Variants in TENM2 observed in about 807,000 individuals in gnomAD.
TENM2 encodes the protein teneurin transmembrane protein 2, also known as teneurin-2.
In TENM2, 52 loss-of-function variants were observed where a neutral mutation model predicts 245.2. That is an observed-to-expected ratio of 0.21 (90% confidence interval 0.17 to 0.27). The LOEUF is 0.27. Ranked by LOEUF, TENM2 falls within the 10% of genes least tolerant of loss-of-function variation. The pLI, the probability that TENM2 is intolerant of heterozygous loss-of-function variation, is 1.00. For missense variants in TENM2, 3,046 were observed against 3,666.8 expected (o/e 0.83, Z 4.37); for synonymous variants, 1,363 against 1,438.9 (o/e 0.95, Z 1.19).
intron 3 of TENM2, among the ~76,000 whole-genome samples, chr5:167,895,504 T>G (rs760569889): frequency 4.6e-5 from 7 of 152,264 alleles, no homozygotes; most frequent in African/African-American, 1.7e-4. Context: ...ATTTGAACCA[T>G]TGCTGCTTGA....
At position 168,255,630 on chromosome 5, in the gene TENM2, T is replaced by G. The variant is rs189159750; in HGVS notation, c.7433-4653T>G. ...TCATTAACAGTTCTAATCTCCCTTT[T>G]CAACAGAGAGAGCAGGTCTAAGTCT... On this transcript the variant is annotated intron_variant, in intron 27 of 28. Transcript: ENST00000518659. Among the ~76,000 whole-genome samples the G allele has an allele frequency of 1.1e-4, 16 of 151,910 alleles. No homozygotes were observed. The East Asian group carries it at 3.0e-3, about 28-fold the overall frequency.
At chr5:167,572,788 G>A (rs1774360968) in intron 2 of TENM2, among the ~76,000 whole-genome samples, 1 of 152,120 alleles carries the variant, frequency 6.6e-6, no homozygotes, top group South Asian at 2.1e-4. Flanking sequence ...TCTTTAAAAT[G>A]GTACAGGAAG....
At chr5:168,066,845 G>A (rs1790550671) in intron 7 of TENM2, among the ~76,000 whole-genome samples, 1 of 152,186 alleles carries the variant, frequency 6.6e-6, no homozygotes, top group African/African-American at 2.4e-5. Context: ...TTCTAGAAAG[G>A]TAACAGACAG....
At chr5:167,484,116 G>A (rs1186245739) in intron 2 of TENM2, among the ~76,000 whole-genome samples, 1 of 152,168 alleles carries the variant, frequency 6.6e-6, no homozygotes, top group African/African-American at 2.4e-5. Context: ...GGAAACTGAG[G>A]CAGGCAGATC....
At chr5:167,915,495 C>T (rs1776870558) in intron 3 of TENM2, among the ~76,000 whole-genome samples, 1 of 152,176 alleles carries the variant, frequency 6.6e-6, no homozygotes, top group Non-Finnish European at 1.5e-5. Context: ...CCACCAACCA[C>T]CAGCTCCCTT....
chr5:167,292,876 T>C (rs1466454836), intron 1 of TENM2, among the ~76,000 whole-genome samples: 1 of 152,118 alleles, frequency 6.6e-6, no homozygotes, highest in Non-Finnish European at 1.5e-5. Flanking sequence ...CTGCATACAT[T>C]TGAGGGATGG....
chr5:167,601,871 C>A (rs534372093), intron 2 of TENM2, among the ~76,000 whole-genome samples: 1 of 152,114 alleles, frequency 6.6e-6, no homozygotes, highest in Non-Finnish European at 1.5e-5. Flanking sequence ...CAACCAATTT[C>A]TAATTCTCAT....
At chr5:167,001,123 A>T in the TENM2 span, among the ~76,000 whole-genome samples, 1 of 152,122 alleles carries the variant, frequency 6.6e-6, no homozygotes, top group African/African-American at 2.4e-5. Context: ...AAATTCAGAA[A>T]TTACACTTTT....
intron 10 of TENM2, among the ~76,000 whole-genome samples, chr5:168,123,015 G>A (rs1453404250): frequency 6.6e-6 from 1 of 152,068 alleles, no homozygotes; most frequent in Non-Finnish European, 1.5e-5. Context: ...ATACACCAAT[G>A]GCTGGGCATG....
the TENM2 span, among the ~76,000 whole-genome samples, chr5:167,178,870 T>C: frequency 1.3e-5 from 2 of 152,220 alleles, no homozygotes; most frequent in African/African-American, 4.8e-5. Context: ...TTGCTCATGT[T>C]CTATTGAATT....
intron 1 of TENM2, among the ~76,000 whole-genome samples, chr5:167,289,911 T>G (rs1213028750): frequency 1.3e-5 from 2 of 152,170 alleles, no homozygotes; most frequent in African/African-American, 4.8e-5. Flanking sequence ...CCTCAGCACT[T>G]TAATTTACCT....
chr5:167,378,453 C>T (rs1440744416), intron 2 of TENM2, among the ~76,000 whole-genome samples: 1 of 149,048 alleles, frequency 6.7e-6, no homozygotes, highest in East Asian at 2.0e-4. Flanking sequence ...TCTGCATTAA[C>T]ATTGTGCTGG....
intron 1 of TENM2, among the ~76,000 whole-genome samples, chr5:167,293,095 G>C (rs563875950): frequency 5.3e-5 from 8 of 152,232 alleles, no homozygotes; most frequent in Non-Finnish European, 7.3e-5. Context: ...AAGATGGTCA[G>C]TTAGAGGTTG....
At chr5:167,110,208 C>T in the TENM2 span, among the ~76,000 whole-genome samples, 1 of 152,288 alleles carries the variant, frequency 6.6e-6, no homozygotes, top group South Asian at 2.1e-4. Flanking sequence ...GGTGATAAAT[C>T]TCAAACAATT....
chr5:167,855,132 A>C (rs1770946143), intron 2 of TENM2, among the ~76,000 whole-genome samples: 1 of 152,068 alleles, frequency 6.6e-6, no homozygotes, highest in Non-Finnish European at 1.5e-5. Context: ...ATTCCACTCC[A>C]GGTGCACTCA....
the TENM2 span, among the ~76,000 whole-genome samples, chr5:167,047,741 G>A: frequency 6.6e-6 from 1 of 152,122 alleles, no homozygotes; most frequent in Non-Finnish European, 1.5e-5. Flanking sequence ...TTTTCAGGCT[G>A]GTGACTGTTA....
intron 2 of TENM2, among the ~76,000 whole-genome samples, chr5:167,872,017 G>A (rs925111797): frequency 1.3e-5 from 2 of 152,014 alleles, no homozygotes; most frequent in African/African-American, 4.8e-5. Flanking sequence ...TACCAGGGCT[G>A]GCATGATGGT....
intron 1 of TENM2, among the ~76,000 whole-genome samples, chr5:167,320,102 AC>A (rs1756619045): frequency 6.6e-6 from 1 of 152,164 alleles, no homozygotes; most frequent in Non-Finnish European, 1.5e-5. Flanking sequence ...TATTAGTCCC[AC>A]TTTATGATAT....
chr5:167,929,805 A>G (rs919984153), intron 3 of TENM2, among the ~76,000 whole-genome samples: 1 of 152,216 alleles, frequency 6.6e-6, no homozygotes, highest in Non-Finnish European at 1.5e-5. Flanking sequence ...CATGAGCCAC[A>G]AGCAAAAATA....
Sources: allele counts gnomAD v4.1 joint callset (sites outside exome capture counted in the v4.1 genomes callset), GRCh38; gene constraint gnomAD v4.1.1; transcripts MANE v1.5; gene names NCBI Gene and HGNC (gene_info 2026-07-23, HGNC 2026-07-21).